The following FBN3 variants were observed in gnomAD, a reference collection of about 807,000 sequenced individuals.
FBN3 encodes the protein fibrillin 3, also known as fibrillin-3.
FBN3 carries 234 observed loss-of-function variants against 330.1 expected under a neutral mutation model. The ratio of observed to expected loss-of-function variants is 0.71; its 90% CI spans 0.64 to 0.79. The LOEUF is 0.79. FBN3 is among the 30% of genes least tolerant of loss of function. The pLI is 0.00. For missense variants in FBN3, 3,606 were observed against 3,886.9 expected, an observed-to-expected ratio of 0.93 and a Z score of 1.92; for synonymous variants, 1,458 against 1,517.3, an observed-to-expected ratio of 0.96 and a Z score of 0.91.
intron 54 of FBN3, 21 bp downstream of exon 54, chr19:8,087,056 T>A (rs903044412): frequency 7.1e-5 from 114 of 1,600,198 alleles, no homozygotes; most frequent in Non-Finnish European, 9.5e-5. Context: ...CCTGCACCCA[T>A]GAAGCTCCAG....
At chr19:8,088,805 AAATG>A (rs2082025205) in intron 51 of FBN3, among the ~76,000 whole-genome samples, 1 of 152,220 alleles carries the variant, frequency 6.6e-6, no homozygotes, top group Non-Finnish European at 1.5e-5. Context: ...ATGAAGGAAC[AAATG>A]AATGAGTGAA....
chr19:8,113,512 G>A (rs936831808), intron 30 of FBN3, among the ~76,000 whole-genome samples: 5 of 152,144 alleles, frequency 3.3e-5, no homozygotes, highest in Admixed American at 2.0e-4. Context: ...TTACAGAAAT[G>A]AGTCACCATG....
intron 3 of FBN3, among the ~76,000 whole-genome samples, chr19:8,146,504 A>G (rs1307064735): frequency 1.3e-5 from 2 of 152,208 alleles, no homozygotes; most frequent in Non-Finnish European, 2.9e-5. Flanking sequence ...CTGTGAGGAC[A>G]GAGCTGGAGG....
At chr19:8,101,043 G>T in intron 40 of FBN3, 71 bp from the exon 41 acceptor site, 1 of 1,296,670 alleles carries the variant, frequency 7.7e-7, no homozygotes, top group Non-Finnish European at 1.1e-6. Flanking sequence ...ATCTGGAGGG[G>T]ACACCTCATC....
intron 13 of FBN3, 25 bp downstream of exon 13, chr19:8,135,936 G>GGGGGGGGGGCGCCCCCCCCCC: frequency 3.0e-6 from 2 of 668,776 alleles, no homozygotes; most frequent in Non-Finnish European, 4.8e-6. Flanking sequence ...GGAAGCCCCT[G>GGGGGGGGGGCGCCCCCCCCCC]CCCACCCGCC....
chr19:8,138,627 A>C, intron 8 of FBN3, 63 bp from the exon 9 acceptor site: 2 of 1,492,938 alleles, frequency 1.3e-6, no homozygotes, highest in Non-Finnish European at 1.8e-6. Context: ...CTGGATCCAA[A>C]TTCCAGCTGT....
chr19:8,075,704 A>C (rs2081624763), intron 59 of FBN3, among the ~76,000 whole-genome samples: 1 of 152,214 alleles, frequency 6.6e-6, no homozygotes, highest in Non-Finnish European at 1.5e-5. Flanking sequence ...GGAGATGATA[A>C]TGTCTACCTC....
chr19:8,088,175 T>C lies in FBN3; in HGVS notation c.6381A>G (p.Thr2127=), dbSNP rs1413775440. ...LDFTGINCVD[T]DECSVGHPCG... is the part of the protein sequence containing the mutation. ...AGGGGTGGCCGACAGAGCACTCGTC[T>C]GTGTCTGGGTGGGAGTAAGGGGGTG... The change falls in exon 52 of 64, where the codon ACA becomes ACG. Residue 2127 remains threonine, a synonymous_variant. Transcript: ENST00000600128. 1 of 1,595,180 alleles carries C rather than the reference T, an allele frequency of 6.3e-7. No individual in the cohort carries two copies. Among genetic ancestry groups the C allele is most frequent in the Non-Finnish European group, 8.6e-7 (1 of 1,168,736 alleles).
In FBN3 at chr19:8,072,155, T is replaced by C. The variant is rs761240538; in HGVS notation, c.7981A>G (p.Thr2661Ala). The change falls in exon 63 of 64, where the codon ACC becomes GCC. Residue 2661 changes from threonine (T) to alanine (A), a missense_variant. Physicochemically the swap from Thr to Ala is moderately conservative, Grantham distance 58. Coordinates refer to ENST00000600128, the MANE Select transcript of FBN3 (RefSeq NM_032447.5). ...GLGFSPGPQD[T>A]PDKEELLSSE... is the part of the protein sequence containing the mutation. ...GAGAGCAGCTCCTCTTTGTCCGGGG[T>C]GTCCTGGGGTCCGGGGCTGAAGCCC... is the stretch of plus-strand genomic sequence containing the variant. 2.5e-6 allele frequency: 4 copies of C among 1,597,250 alleles called. No individual in the cohort carries two copies. In the African/African-American group the frequency reaches 4.0e-5, roughly 16 times the overall value.
chr19:8,115,376 T>C (rs1234015828), intron 30 of FBN3, 139 bp downstream of exon 30: 21 of 1,161,554 alleles, frequency 1.8e-5, no homozygotes, highest in Non-Finnish European at 2.5e-5. Context: ...GTTCTTGCTT[T>C]AACACAAGAA....
At position 8,100,925 on chromosome 19, in the gene FBN3, C is replaced by T. The variant is rs1250617604; in HGVS notation, c.5137G>A (p.Asp1713Asn). 3 of 1,613,678 alleles carry T rather than the reference C, an allele frequency of 1.9e-6. No homozygotes were observed. The change falls in exon 41 of 64, where the codon GAC becomes AAC. Residue 1713 changes from aspartate (D) to asparagine (N), a missense_variant. Asp to Asn is a conservative substitution (Grantham distance 23). Transcript: ENST00000600128. ...CGNQAPGFLT[D>N]IHTGKPLDID... Reference sequence around the variant, plus strand: ...CCAAGGGGCTTCCCCGTGTGGATGTCAGTGAGGAATCCCGGGGCCTGATTT... The same window carrying T: ...CCAAGGGGCTTCCCCGTGTGGATGTTAGTGAGGAATCCCGGGGCCTGATTT...
At chr19:8,115,237 G>A (rs934998167) in intron 30 of FBN3, among the ~76,000 whole-genome samples, 8 of 152,196 alleles carry the variant, frequency 5.3e-5, no homozygotes, top group Admixed American at 5.2e-4. Flanking sequence ...CTATTCAAAT[G>A]TTTAAGTGTT....
intron 30 of FBN3, among the ~76,000 whole-genome samples, chr19:8,114,342 T>G (rs1011308192): frequency 1.3e-5 from 2 of 152,124 alleles, no homozygotes; most frequent in African/African-American, 4.8e-5. Context: ...CTCCGCCTCC[T>G]GGATTCAAGT....
At chr19:8,080,566 C>T (rs1216169138) in intron 59 of FBN3, among the ~76,000 whole-genome samples, 7 of 152,174 alleles carry the variant, frequency 4.6e-5, no homozygotes, top group Non-Finnish European at 7.3e-5. Flanking sequence ...AAGGAAGTAA[C>T]GACTTTGTTC....
chr19:8,145,396 A>C (rs2083511180), intron 5 of FBN3, among the ~76,000 whole-genome samples: 1 of 110,582 alleles, frequency 9.0e-6, no homozygotes, highest in Non-Finnish European at 1.9e-5. Context: ...AAAAAAAAAA[A>C]AGGGCCGGGC....
intron 31 of FBN3, 43 bp from the exon 32 acceptor site, chr19:8,111,813 C>T (rs746299197): frequency 6.2e-7 from 1 of 1,600,920 alleles, no homozygotes; most frequent in Non-Finnish European, 8.5e-7. Flanking sequence ...ATGGTGTGTG[C>T]ATTGGGTGGG....
chr19:8,088,502 A>G lies in FBN3; in HGVS notation c.6377-323T>C, dbSNP rs149580377. On this transcript the variant is annotated intron_variant, in intron 51 of 63. Transcript: ENST00000600128. ...AGGGTCATTTGAGCCCAGGAGTTCC[A>G]AAAGAGCCTGGGTAACATAGCAAGA... is the stretch of plus-strand genomic sequence containing the variant. Among the ~76,000 whole-genome samples the G allele has an allele frequency of 2.3e-3, 357 of 152,292 alleles. 2 individuals carry two copies. The highest frequency in any genetic ancestry group is 0.017 in the South Asian group (81 of 4,818).
At chr19:8,123,352 C>T (rs2082898623) in intron 24 of FBN3, 112 bp downstream of exon 24, 1 of 1,212,898 alleles carries the variant, frequency 8.2e-7, no homozygotes, top group Non-Finnish European at 1.1e-6. Context: ...AAAACTCCGT[C>T]TCGAAAAAAA....
chr19:8,126,260 G>T (rs1185226547), intron 21 of FBN3, 37 bp downstream of exon 21: 1 of 1,574,296 alleles, frequency 6.4e-7, no homozygotes, highest in Non-Finnish European at 8.6e-7. Flanking sequence ...TGCGGGCTCT[G>T]GAGTAGGGGG....
Sources: allele counts gnomAD v4.1 joint callset (sites outside exome capture counted in the v4.1 genomes callset), GRCh38; gene constraint gnomAD v4.1.1; transcripts MANE v1.5; gene names NCBI Gene and HGNC (gene_info 2026-07-23, HGNC 2026-07-21).